The following TNIK variants were observed in gnomAD, a reference collection of about 807,000 sequenced individuals.
TNIK encodes TRAF2 and NCK-interacting protein kinase.
Under a neutral mutation model 191.3 loss-of-function variants are expected in TNIK, and 49 were observed. That is an observed-to-expected ratio of 0.26 (90% confidence interval 0.20 to 0.32). The LOEUF (loss-of-function observed/expected upper bound fraction) is 0.32, where lower values mean the gene tolerates loss of function less well. TNIK is among the 10% of genes least tolerant of loss of function. TNIK has a pLI of 1.00. For synonymous variants in TNIK, 594 were observed against 600.9 expected, an observed-to-expected ratio of 0.99 and a Z score of 0.17; for missense variants, 1,155 against 1,702.3, an observed-to-expected ratio of 0.68 and a Z score of 5.66.
At chr3:171,241,803 G>A (rs1193928232) in intron 2 of TNIK, among the ~76,000 whole-genome samples, 1 of 152,090 alleles carries the variant, frequency 6.6e-6, no homozygotes, top group Admixed American at 6.6e-5. Flanking sequence ...TTAAGAAAAT[G>A]TGGCACATAT....
chr3:171,157,454 C>A lies in TNIK; in HGVS notation c.1221+6G>T. 6.4e-7 allele frequency: 1 copy of A among 1,557,784 alleles called. No individual in the cohort carries two copies. Among genetic ancestry groups the A allele is most frequent in the Non-Finnish European group, 8.7e-7 (1 of 1,151,260 alleles). On this transcript the variant is annotated splice_donor_region_variant and intron_variant, in intron 12 of 32. Transcript: ENST00000436636. The stretch of plus-strand genomic sequence containing the variant: ...GGGGTCAGAGGTGGCCCGAGCAGGT[C>A]CTCACCTCCTCCAGCCGCCGCCTCT...
At chr3:171,393,072 C>T (rs1007869742) in intron 1 of TNIK, among the ~76,000 whole-genome samples, 2 of 152,172 alleles carry the variant, frequency 1.3e-5, no homozygotes, top group Non-Finnish European at 2.9e-5. Flanking sequence ...GCAGACAGCA[C>T]TTTCCACCAC....
At chr3:171,148,905 TTA>T (rs2108671766) in intron 12 of TNIK, among the ~76,000 whole-genome samples, 1 of 152,264 alleles carries the variant, frequency 6.6e-6, no homozygotes, top group African/African-American at 2.4e-5. Flanking sequence ...CAAGGAAAGA[TTA>T]TATGTTAAAC....
chr3:171,160,455 T>C (rs1222342596), intron 11 of TNIK, among the ~76,000 whole-genome samples: 3 of 151,612 alleles, frequency 2.0e-5, no homozygotes, highest in Admixed American at 6.6e-5. Flanking sequence ...CTTGGATGGC[T>C]TGAGGAGGGA....
At chr3:171,076,578 TTAATG>T (rs1302278516) in intron 28 of TNIK, among the ~76,000 whole-genome samples, 1 of 152,220 alleles carries the variant, frequency 6.6e-6, no homozygotes, top group African/African-American at 2.4e-5. Flanking sequence ...TGTTAAATAA[TTAATG>T]TATTTTATCT....
rs144920298 is a variant in TNIK, at chr3:171,336,346, C to T, written c.123+33274G>A. Among the ~76,000 whole-genome samples the T allele has an allele frequency of 6.7e-3, 1,021 of 152,270 alleles. 4 individuals are homozygous for T. Among genetic ancestry groups the T allele is most frequent in the Middle Eastern group, 0.02 (6 of 294 alleles). On this transcript the variant is annotated intron_variant, in intron 2 of 32. Coordinates refer to ENST00000436636, the MANE Select transcript of TNIK (RefSeq NM_015028.4). ...TAACAACTGAGCACACTCTTAACCT[C>T]CTATCAGTTGACTGTGTGCCTTTCT...
At chr3:171,191,560 C>T (rs751163165) in intron 5 of TNIK, among the ~76,000 whole-genome samples, 6 of 152,280 alleles carry the variant, frequency 3.9e-5, no homozygotes, top group Admixed American at 6.5e-5. Context: ...TTTAATTAAG[C>T]GAAGTAAAAT....
In TNIK at chr3:171,128,834, C is replaced by T; in HGVS notation, c.1653G>A (p.Met551Ile). 2 of 1,577,926 alleles carry T rather than the reference C, an allele frequency of 1.3e-6. No homozygotes were observed. The highest frequency in any genetic ancestry group is 1.7e-6 in the Non-Finnish European group (2 of 1,165,446). ...ATATCCTGTTGGCAACCTTGTGAGG[C>T]ATGGCAGGGGAACTTTGCCGGTTGA... ...SRLNRQSSPA[M>I]PHKVANRISD... Residue 551 changes from methionine (M) to isoleucine (I), a missense_variant, in exon 16 of 33, where the codon ATG (methionine) becomes ATA (isoleucine). Met to Ile is a conservative substitution (Grantham distance 10). Around this residue, in one of 3 missense-constraint regions of TNIK, gnomAD observed 735 missense variants for 848.0 expected, o/e 0.87. Transcript: ENST00000436636.
At chr3:171,130,032 C>T (rs1321979006) in intron 15 of TNIK, among the ~76,000 whole-genome samples, 3 of 152,204 alleles carry the variant, frequency 2.0e-5, no homozygotes, top group Admixed American at 6.5e-5. Flanking sequence ...GCCCTTAATT[C>T]TCTTCTGCTG....
At chr3:171,231,764 A>G (rs948184038) in intron 2 of TNIK, among the ~76,000 whole-genome samples, 14 of 152,330 alleles carry the variant, frequency 9.2e-5, no homozygotes, top group African/African-American at 3.4e-4. Context: ...GACAGTTTTT[A>G]AAGAGGTAAC....
chr3:171,207,600 CA>C (rs1395092092), intron 4 of TNIK, among the ~76,000 whole-genome samples: 1 of 152,074 alleles, frequency 6.6e-6, no homozygotes, highest in African/African-American at 2.4e-5. Context: ...AGAGGGAGAG[CA>C]AGGGGGACTT....
At chr3:171,411,547 A>C (rs1722425052) in intron 1 of TNIK, among the ~76,000 whole-genome samples, 1 of 152,160 alleles carries the variant, frequency 6.6e-6, no homozygotes, top group African/African-American at 2.4e-5. Flanking sequence ...TTTAATTCCA[A>C]ATTTTGGTCA....
intron 1 of TNIK, among the ~76,000 whole-genome samples, chr3:171,398,674 A>G (rs547025515): frequency 6.6e-6 from 1 of 152,342 alleles, no homozygotes; most frequent in African/African-American, 2.4e-5. Flanking sequence ...CCCAGGAATG[A>G]AAGGATAACT....
At chr3:171,151,850 G>A (rs1732476756) in intron 12 of TNIK, among the ~76,000 whole-genome samples, 1 of 152,200 alleles carries the variant, frequency 6.6e-6, no homozygotes, top group South Asian at 2.1e-4. Flanking sequence ...TTTTGTGGGT[G>A]GAGGCTGTCT....
intron 2 of TNIK, among the ~76,000 whole-genome samples, chr3:171,291,306 C>T (rs945055083): frequency 2.0e-5 from 3 of 152,154 alleles, no homozygotes; most frequent in African/African-American, 7.2e-5. Context: ...TTTTTATTTA[C>T]ACAGATATCT....
chr3:171,310,064 T>C (rs958824159), intron 2 of TNIK, among the ~76,000 whole-genome samples: 3 of 152,186 alleles, frequency 2.0e-5, no homozygotes, highest in African/African-American at 7.2e-5. Context: ...CCATGTTAGT[T>C]ACCACCTTTA....
At chr3:171,291,055 G>C (rs1164858480) in intron 2 of TNIK, among the ~76,000 whole-genome samples, 1 of 151,874 alleles carries the variant, frequency 6.6e-6, no homozygotes, top group Non-Finnish European at 1.5e-5. Context: ...TTGTTTTAGA[G>C]GATATATATC....
intron 2 of TNIK, among the ~76,000 whole-genome samples, chr3:171,231,317 GT>G (rs569192908): frequency 1.2e-3 from 172 of 139,882 alleles, no homozygotes; most frequent in African/African-American, 2.6e-3. Context: ...TTGTTGTTTT[GT>G]TTTTTTTTTT....
At chr3:171,391,443 C>G (rs1719495823) in intron 1 of TNIK, among the ~76,000 whole-genome samples, 1 of 152,224 alleles carries the variant, frequency 6.6e-6, no homozygotes, top group Non-Finnish European at 1.5e-5. Context: ...TCTCTTTCCT[C>G]TCCCATACCA....
Sources: allele counts gnomAD v4.1 joint callset (sites outside exome capture counted in the v4.1 genomes callset), GRCh38; gene constraint gnomAD v4.1.1; regional missense constraint gnomAD v4.1.1; transcripts MANE v1.5; gene names NCBI Gene and HGNC (gene_info 2026-07-23, HGNC 2026-07-21).